DHX36: variants seen among roughly 807,000 people sequenced by gnomAD.
DHX36 encodes the protein ATP-dependent DNA/RNA helicase DHX36.
A neutral mutation model predicts 139.0 loss-of-function variants in DHX36; 50 were observed. The observed-to-expected ratio is 0.36, with a 90% CI of 0.29 to 0.46. DHX36 has a LOEUF of 0.46. DHX36 is among the 20% of genes least tolerant of loss of function. The probability of loss-of-function intolerance (pLI) is 1.00; values close to 1 mark genes in which losing one functional copy is unlikely to be tolerated. For synonymous variants in DHX36, 425 were observed against 401.9 expected, an observed-to-expected ratio of 1.06 and a Z score of -0.69; for missense variants, 1,024 against 1,211.3, an observed-to-expected ratio of 0.85 and a Z score of 2.29.
In DHX36 at chr3:154,276,086, C is replaced by T. The variant is rs752115340; in HGVS notation, c.*85G>A. On this transcript the variant is annotated 3_prime_UTR_variant, in exon 25 of 25. Coordinates refer to ENST00000496811, the MANE Select transcript of DHX36 (RefSeq NM_020865.3). ...CCTTACACATGAAAATTGTTCATGT[C>T]CCAGGGTTTGGCATCCAGCCAAAAT... The T allele has an allele frequency of 7.3e-6, 10 of 1,372,776 alleles. No individual in the cohort carries two copies. The highest frequency in any genetic ancestry group is 1.0e-5 in the Non-Finnish European group (10 of 999,642). The allele number at this position is 1,372,776 out of a possible 1,614,324, so 85.0% of individuals were successfully genotyped here.
chr3:154,291,870 T>A (rs935204106), intron 15 of DHX36, among the ~76,000 whole-genome samples: 2 of 152,226 alleles, frequency 1.3e-5, no homozygotes, highest in African/African-American at 4.8e-5. Context: ...TAAAGTCCAA[T>A]TCTTTGTAGA....
At chr3:154,300,527 T>C (rs1712225005) in intron 11 of DHX36, 67 bp downstream of exon 11, 1 of 1,277,060 alleles carries the variant, frequency 7.8e-7, no homozygotes, top group Non-Finnish European at 1.1e-6. Flanking sequence ...AAACTGTATT[T>C]TTCATGGCCT....
At chr3:154,288,622 A>G (rs913971688) in intron 17 of DHX36, among the ~76,000 whole-genome samples, 4 of 152,134 alleles carry the variant, frequency 2.6e-5, no homozygotes, top group Non-Finnish European at 5.9e-5. Context: ...TCAAGCCTAC[A>G]ATAAAAAAAA....
chr3:154,309,616 A>G (rs769598131), intron 5 of DHX36, 37 bp downstream of exon 5: 2 of 1,544,680 alleles, frequency 1.3e-6, no homozygotes, highest in South Asian at 2.5e-5. Context: ...GATTACTTTT[A>G]AAAAGACAAT....
intron 11 of DHX36, among the ~76,000 whole-genome samples, chr3:154,300,231 C>G (rs1712212936): frequency 6.6e-6 from 1 of 151,988 alleles, no homozygotes; most frequent in African/African-American, 2.4e-5. Context: ...CCACGCCCAG[C>G]AAATTTTTGT....
At chr3:154,293,685 A>G in intron 14 of DHX36, 63 bp downstream of exon 14, 1 of 1,245,256 alleles carries the variant, frequency 8.0e-7, no homozygotes, top group Non-Finnish European at 1.2e-6. Context: ...AAGGTATATA[A>G]ACACGTTATG....
chr3:154,312,283 G>C (rs1712790597), intron 3 of DHX36: 1 of 152,046 alleles, frequency 6.6e-6, no homozygotes, highest in African/African-American at 2.4e-5. Flanking sequence ...GCAAATACCA[G>C]TTTCTGAAAC....
chr3:154,296,097 GATA>G (rs1559951198), intron 12 of DHX36, among the ~76,000 whole-genome samples: 1 of 152,080 alleles, frequency 6.6e-6, no homozygotes, highest in Admixed American at 6.6e-5. Flanking sequence ...TAATCAAACC[GATA>G]ATATCTAAAT....
At chr3:154,299,517 A>G (rs1184736597) in intron 12 of DHX36, among the ~76,000 whole-genome samples, 1 of 152,180 alleles carries the variant, frequency 6.6e-6, no homozygotes, top group Non-Finnish European at 1.5e-5. Flanking sequence ...GATGGGGTCT[A>G]GGTATCTGAA....
chr3:154,285,925 A>G (rs1711534565), intron 17 of DHX36, among the ~76,000 whole-genome samples: 3 of 152,068 alleles, frequency 2.0e-5, no homozygotes, highest in Admixed American at 6.5e-5. Context: ...AGAAAACTAA[A>G]TAAACTTACA....
chr3:154,322,065 A>C (rs1713208726), intron 1 of DHX36, among the ~76,000 whole-genome samples: 1 of 152,252 alleles, frequency 6.6e-6, no homozygotes, highest in African/African-American at 2.4e-5. Flanking sequence ...CCATTGAAAA[A>C]TACTCCTATT....
chr3:154,284,618 T>C lies in DHX36; in HGVS notation c.2257A>G (p.Arg753Gly). The C allele has an allele frequency of 6.2e-7, 1 of 1,612,948 alleles. No homozygotes were observed. The highest frequency in any genetic ancestry group is 1.1e-5 in the South Asian group (1 of 90,778). Residue 753 changes from arginine (R) to glycine (G), a missense_variant, in exon 19 of 25, where the codon AGA (arginine) becomes GGA (glycine). Arg to Gly is a moderately radical substitution (Grantham distance 125). Coordinates refer to ENST00000496811, the MANE Select transcript of DHX36 (RefSeq NM_020865.3). ...ARRKELAKDT[R>G]SDHLTVVNAF... ...TTCACAACTGTTAAGTGATCACTTC[T>C]AGTATCCTTTGCCAATTCCTTTCTT...
At chr3:154,317,793 GTGTAAAATAC>G (rs1438366285) in intron 1 of DHX36, among the ~76,000 whole-genome samples, 1 of 151,838 alleles carries the variant, frequency 6.6e-6, no homozygotes, top group East Asian at 1.9e-4. Context: ...AGACAGCAAT[GTGTAAAATAC>G]TGTAAAATCT....
intron 1 of DHX36, among the ~76,000 whole-genome samples, chr3:154,323,603 CAA>C (rs1459983859): frequency 1.3e-5 from 2 of 152,078 alleles, no homozygotes; most frequent in Non-Finnish European, 2.9e-5. Context: ...TTTTCCTTTT[CAA>C]AGAGAATCTG....
intron 15 of DHX36, 38 bp downstream of exon 15, chr3:154,292,511 TTG>T: frequency 6.2e-7 from 1 of 1,609,704 alleles, no homozygotes; most frequent in Non-Finnish European, 8.5e-7. Flanking sequence ...CACAAAATTT[TTG>T]TGTGTTCTAA....
intron 10 of DHX36, 136 bp from the exon 11 acceptor site, chr3:154,300,832 C>T: frequency 7.8e-7 from 1 of 1,274,510 alleles, no homozygotes; most frequent in Non-Finnish European, 1.1e-6. Context: ...GGGGTAATTA[C>T]TGCTTAAAAG....
rs141409715 is a variant in DHX36 at position 154,276,133 on chromosome 3, C to T, written c.*38G>A. 1.8e-3 allele frequency: 2,835 copies of T among 1,575,146 alleles called. 47 individuals are homozygous for T. The African/African-American group carries it at 0.035, about 19-fold the overall frequency. ...AAATTTAAACAATGATGAAGAATGG[C>T]TGTCAAACTGGCTTTTCAGACCACC... is the stretch of plus-strand genomic sequence containing the variant. On this transcript the variant is annotated 3_prime_UTR_variant, in exon 25 of 25. Transcript: ENST00000496811.
intron 1 of DHX36, among the ~76,000 whole-genome samples, chr3:154,323,331 T>A (rs542401073): frequency 6.6e-6 from 1 of 151,544 alleles, no homozygotes; most frequent in East Asian, 1.9e-4. Context: ...TGAGACCCTG[T>A]CTTAAAAAAA....
intron 15 of DHX36, 70 bp downstream of exon 15, chr3:154,292,481 G>A: frequency 6.4e-7 from 1 of 1,569,586 alleles, no homozygotes. Context: ...ATCTTTAAAT[G>A]CCAACATCAC....
Sources: allele counts gnomAD v4.1 joint callset (sites outside exome capture counted in the v4.1 genomes callset), GRCh38; gene constraint gnomAD v4.1.1; transcripts MANE v1.5; gene names NCBI Gene and HGNC (gene_info 2026-07-23, HGNC 2026-07-21).